Variants in AMN1 observed in about 807,000 individuals in gnomAD.
The protein encoded by AMN1 is antagonist of mitotic exit network 1 homolog.
In AMN1, 20 loss-of-function variants were observed where a neutral mutation model predicts 33.0. The ratio of observed to expected loss-of-function variants is 0.61; its 90% CI spans 0.43 to 0.88. The LOEUF (loss-of-function observed/expected upper bound fraction) is 0.88. AMN1 is among the 40% of genes least tolerant of loss of function. The pLI is 0.00. For synonymous variants in AMN1, 114 were observed against 111.9 expected, an observed-to-expected ratio of 1.02 and a Z score of -0.12; for missense variants, 246 against 307.4, an observed-to-expected ratio of 0.80 and a Z score of 1.49.
chr12:31,681,636 G>A (rs1342012838), intron 6 of AMN1, among the ~76,000 whole-genome samples: 1 of 152,156 alleles, frequency 6.6e-6, no homozygotes, highest in African/African-American at 2.4e-5. Context: ...CGATGTTCTG[G>A]AGAGATGGCG....
At chr12:31,706,989 TAAGAA>T (rs10589334) in intron 2 of AMN1, among the ~76,000 whole-genome samples, 42,968 of 133,720 alleles carry the variant, frequency 0.32, 6,596 homozygotes, top group Non-Finnish European at 0.39. Context: ...CTAAAAGAAA[TAAGAA>T]AAGATTAATA....
chr12:31,682,487 G>A (rs905108782), intron 6 of AMN1, among the ~76,000 whole-genome samples: 14 of 121,984 alleles, frequency 1.1e-4, no homozygotes, highest in East Asian at 5.5e-4. Flanking sequence ...GTGTCATGAC[G>A]TTGTTTAGCA....
intron 3 of AMN1, among the ~76,000 whole-genome samples, chr12:31,701,529 C>T (rs942267359): frequency 2.0e-5 from 3 of 152,058 alleles, no homozygotes; most frequent in Admixed American, 6.6e-5. Flanking sequence ...AGGCTGGCAT[C>T]GAACTCCTTG....
intron 1 of AMN1, among the ~76,000 whole-genome samples, chr12:31,725,794 C>G (rs1940039197): frequency 6.6e-6 from 1 of 152,226 alleles, no homozygotes; most frequent in Admixed American, 6.5e-5. Flanking sequence ...CTCCTGGGTT[C>G]AAGCAATTCT....
intron 2 of AMN1, among the ~76,000 whole-genome samples, chr12:31,703,515 C>T (rs773528019): frequency 1.1e-4 from 16 of 152,216 alleles, no homozygotes; most frequent in East Asian, 1.9e-4. Context: ...GTGCACCCAG[C>T]GATTGGCTCC....
intron 1 of AMN1, 47 bp downstream of exon 1, chr12:31,728,924 G>A: frequency 6.5e-7 from 1 of 1,532,444 alleles, no homozygotes; most frequent in Non-Finnish European, 8.8e-7. Context: ...GCCGTTTGGA[G>A]GAGGTGCTGG....
At chr12:31,722,130 GACACACACACACACACAC>G (rs57266162) in intron 1 of AMN1, among the ~76,000 whole-genome samples, 32 of 144,066 alleles carry the variant, frequency 2.2e-4, no homozygotes, top group East Asian at 8.2e-4. Context: ...TCAGGCCTTT[GACACACACACACACACAC>G]ACACACACAC....
intron 2 of AMN1, among the ~76,000 whole-genome samples, chr12:31,702,894 G>A (rs1264946592): frequency 6.6e-6 from 1 of 152,040 alleles, no homozygotes; most frequent in East Asian, 1.9e-4. Context: ...GCACCACCAC[G>A]CCTGGCTAAT....
rs1334807509 is a variant in AMN1, at chr12:31,672,170, G to T, written c.*134C>A. On this transcript the variant is annotated 3_prime_UTR_variant, in exon 7 of 7. Coordinates refer to ENST00000281471, the MANE Select transcript of AMN1 (RefSeq NM_001113402.2). ...TATACCAAGACTTAGCTAATTCTCT[G>T]AGAGTTATAACTTAAGACAATAAAA... is the stretch of plus-strand genomic sequence containing the variant. 1.5e-6 allele frequency: 1 copy of T among 650,494 alleles called. No homozygotes were observed. The highest frequency in any genetic ancestry group is 1.8e-5 in the African/African-American group (1 of 54,544). The allele number at this position is 650,494 out of a possible 1,614,324, so 40.3% of individuals were successfully genotyped here.
At position 31,672,166 on chromosome 12, in the gene AMN1, C is replaced by A; in HGVS notation, c.*138G>T. ...TGTATATACCAAGACTTAGCTAATT[C>A]TCTGAGAGTTATAACTTAAGACAAT... On this transcript the variant is annotated 3_prime_UTR_variant, in exon 7 of 7. Transcript: ENST00000281471. The A allele has an allele frequency of 3.1e-6, 2 of 639,474 alleles. No individual in the cohort carries two copies. The highest frequency in any genetic ancestry group is 2.0e-5 in the South Asian group (1 of 49,434). The allele number at this position is 639,474 out of a possible 1,614,324, so 39.6% of individuals were successfully genotyped here.
chr12:31,705,371 G>A (rs1262281343), intron 2 of AMN1, among the ~76,000 whole-genome samples: 1 of 152,064 alleles, frequency 6.6e-6, no homozygotes, highest in African/African-American at 2.4e-5. Context: ...GGTAGTGGGT[G>A]CCTGTAGTCC....
At chr12:31,674,624 C>T (rs1030221692) in intron 6 of AMN1, among the ~76,000 whole-genome samples, 5 of 152,092 alleles carry the variant, frequency 3.3e-5, no homozygotes, top group African/African-American at 4.8e-5. Flanking sequence ...GGCATTAGAA[C>T]GTGGATATCA....
chr12:31,726,876 T>C (rs1940094275), intron 1 of AMN1, among the ~76,000 whole-genome samples: 1 of 152,228 alleles, frequency 6.6e-6, no homozygotes, highest in South Asian at 2.1e-4. Flanking sequence ...CTGAAGAATT[T>C]TTCTTAACAT....
chr12:31,686,444 C>CA (rs923403051), intron 6 of AMN1, among the ~76,000 whole-genome samples: 2 of 151,332 alleles, frequency 1.3e-5, no homozygotes, highest in Non-Finnish European at 2.9e-5. Flanking sequence ...GATTCTGCCT[C>CA]AAAAAAAGAA....
intron 1 of AMN1, among the ~76,000 whole-genome samples, chr12:31,722,216 T>C (rs1461580261): frequency 6.6e-6 from 1 of 152,066 alleles, no homozygotes; most frequent in East Asian, 1.9e-4. Context: ...TTGACATTTT[T>C]TCGGGTTATG....
chr12:31,684,313 T>C (rs936990248), intron 6 of AMN1, among the ~76,000 whole-genome samples: 2 of 152,188 alleles, frequency 1.3e-5, no homozygotes, highest in African/African-American at 4.8e-5. Flanking sequence ...GTATCCACAA[T>C]GATCTGAAAA....
At chr12:31,702,072 T>G in intron 2 of AMN1, 65 bp from the exon 3 acceptor site, 8 of 1,396,876 alleles carry the variant, frequency 5.7e-6, no homozygotes, top group Non-Finnish European at 7.7e-6. Flanking sequence ...TTATTCCATA[T>G]TCAGTGTTTT....
At chr12:31,709,663 G>GA (rs975089321) in intron 1 of AMN1, among the ~76,000 whole-genome samples, 11 of 151,542 alleles carry the variant, frequency 7.3e-5, no homozygotes, top group Non-Finnish European at 1.2e-4. Context: ...TACAAAAAAA[G>GA]AAAAAAAATA....
At chr12:31,727,322 A>G (rs1429425164) in intron 1 of AMN1, among the ~76,000 whole-genome samples, 1 of 151,986 alleles carries the variant, frequency 6.6e-6, no homozygotes, top group Non-Finnish European at 1.5e-5. Flanking sequence ...CCTATTTCCA[A>G]CTTCTGCCTA....
Sources: gnomAD v4.1 joint callset for allele counts (sites outside exome capture counted in the v4.1 genomes callset) on GRCh38, gnomAD v4.1.1 for gene constraint, MANE v1.5 for transcripts, NCBI Gene and HGNC (gene_info 2026-07-23, HGNC 2026-07-21) for gene names.